Variants in GLRA3 observed in about 807,000 individuals in gnomAD.
GLRA3 encodes glycine receptor alpha 3.
A neutral mutation model predicts 60.4 loss-of-function variants in GLRA3; 44 were observed. The ratio of observed to expected loss-of-function variants is 0.73; its 90% CI spans 0.57 to 0.94. The LOEUF is 0.94. GLRA3 is among the 40% of genes least tolerant of loss of function. The probability of loss-of-function intolerance (pLI) is 0.00; values close to 1 mark genes in which losing one functional copy is unlikely to be tolerated. For synonymous variants in GLRA3, 223 were observed against 192.9 expected (o/e 1.16, Z -1.29); for missense variants, 508 against 564.6 (o/e 0.90, Z 1.02).
At chr4:174,817,809 G>A (rs1740570080) in intron 1 of GLRA3, among the ~76,000 whole-genome samples, 1 of 152,084 alleles carries the variant, frequency 6.6e-6, no homozygotes, top group Admixed American at 6.5e-5. Context: ...GTTTCGTCAT[G>A]TTGGCCAGTC....
chr4:174,679,994 A>G (rs1459236701), intron 6 of GLRA3, among the ~76,000 whole-genome samples: 1 of 152,214 alleles, frequency 6.6e-6, no homozygotes, highest in Non-Finnish European at 1.5e-5. Context: ...AGAAAGAAGA[A>G]AAGATTTGGA....
intron 5 of GLRA3, among the ~76,000 whole-genome samples, chr4:174,688,318 C>T (rs6833655): frequency 0.21 from 7,366 of 34,800 alleles, 1,303 homozygotes; most frequent in Middle Eastern, 0.34. Flanking sequence ...TACCTGACAT[C>T]ATATATATAT....
intron 7 of GLRA3, among the ~76,000 whole-genome samples, chr4:174,674,399 T>A (rs1294511932): frequency 1.3e-5 from 2 of 152,174 alleles, no homozygotes; most frequent in Admixed American, 1.3e-4. Context: ...GTAAAAGAGT[T>A]CAAGTTTCAA....
At chr4:174,649,417 A>C (rs963772420) in intron 9 of GLRA3, among the ~76,000 whole-genome samples, 1 of 152,198 alleles carries the variant, frequency 6.6e-6, no homozygotes, top group African/African-American at 2.4e-5. Context: ...GATGTGATAC[A>C]TAAATGAAGG....
chr4:174,751,904 G>A (rs945479933), intron 3 of GLRA3, among the ~76,000 whole-genome samples: 2 of 151,870 alleles, frequency 1.3e-5, no homozygotes, highest in East Asian at 3.9e-4. Context: ...TTCACGGGGA[G>A]GGCAATTAGG....
At chr4:174,702,060 T>C (rs550964281) in intron 5 of GLRA3, among the ~76,000 whole-genome samples, 2 of 152,296 alleles carry the variant, frequency 1.3e-5, no homozygotes, top group South Asian at 2.1e-4. Context: ...AGTTCTACTG[T>C]TGGTAAAATG....
intron 6 of GLRA3, among the ~76,000 whole-genome samples, chr4:174,678,786 T>G (rs1203642806): frequency 2.6e-5 from 4 of 152,208 alleles, no homozygotes; most frequent in Admixed American, 6.5e-5. Context: ...GATTTTAAAG[T>G]GCTATTAAAT....
At chr4:174,646,498 A>G (rs904652247) in intron 9 of GLRA3, among the ~76,000 whole-genome samples, 1 of 152,150 alleles carries the variant, frequency 6.6e-6, no homozygotes, top group African/African-American at 2.4e-5. Context: ...TTTTACTGTG[A>G]GGGGCTGCAC....
chr4:174,717,683 C>T (rs1188710439), intron 4 of GLRA3, among the ~76,000 whole-genome samples: 1 of 152,118 alleles, frequency 6.6e-6, no homozygotes, highest in Non-Finnish European at 1.5e-5. Context: ...GTTCAACATT[C>T]AAAAGGAATT....
chr4:174,778,367 C>T (rs1302094169), intron 2 of GLRA3, among the ~76,000 whole-genome samples: 3 of 150,724 alleles, frequency 2.0e-5, no homozygotes, highest in Non-Finnish European at 3.0e-5. Flanking sequence ...TTTGCTTTTA[C>T]CATGTCTCAT....
intron 5 of GLRA3, among the ~76,000 whole-genome samples, chr4:174,697,757 C>G (rs62332021): frequency 6.8e-6 from 1 of 146,128 alleles, no homozygotes; most frequent in Non-Finnish European, 1.5e-5. Context: ...AAATGACAAA[C>G]ACAACAATAA....
chr4:174,653,732 T>C (rs888649237), intron 9 of GLRA3, among the ~76,000 whole-genome samples: 2 of 152,022 alleles, frequency 1.3e-5, no homozygotes, highest in Admixed American at 6.6e-5. Flanking sequence ...CGGAGTGACA[T>C]AGGGTATTAC....
intron 6 of GLRA3, 37 bp from the exon 7 acceptor site, chr4:174,677,329 A>C: frequency 1.7e-6 from 2 of 1,175,486 alleles, no homozygotes; most frequent in Non-Finnish European, 2.5e-6. Context: ...AATTAGTACA[A>C]ATAGGTCTTT....
intron 7 of GLRA3, among the ~76,000 whole-genome samples, chr4:174,660,612 T>A (rs143131055): frequency 5.8e-4 from 89 of 152,324 alleles, no homozygotes; most frequent in African/African-American, 2.1e-3. Context: ...ATATAAGTAT[T>A]CTGTTACTCT....
At chr4:174,690,358 C>T (rs1734746774) in intron 5 of GLRA3, among the ~76,000 whole-genome samples, 2 of 152,018 alleles carry the variant, frequency 1.3e-5, no homozygotes, top group Admixed American at 1.3e-4. Flanking sequence ...ATAACATTTT[C>T]ACAATAATGT....
intron 2 of GLRA3, among the ~76,000 whole-genome samples, chr4:174,769,135 G>C (rs969297881): frequency 2.0e-5 from 3 of 151,644 alleles, no homozygotes; most frequent in Admixed American, 6.6e-5. Flanking sequence ...CAATTCTTCG[G>C]ATATTTACCT....
intron 3 of GLRA3, among the ~76,000 whole-genome samples, chr4:174,740,958 G>T (rs1736999303): frequency 6.6e-6 from 1 of 152,176 alleles, no homozygotes; most frequent in South Asian, 2.1e-4. Context: ...GTACGGGCGT[G>T]CCACAGGGCT....
chr4:174,712,772 C>T (rs1443242513), intron 5 of GLRA3: 2 of 151,904 alleles, frequency 1.3e-5, no homozygotes, highest in Non-Finnish European at 2.9e-5. Context: ...GATTTACAAT[C>T]TTTTATCTTG....
intron 1 of GLRA3, among the ~76,000 whole-genome samples, chr4:174,823,491 C>G: frequency 6.6e-6 from 1 of 151,994 alleles, no homozygotes; most frequent in Admixed American, 6.6e-5. Context: ...CACCACTGCA[C>G]TCCAGCCTGG....
Sources: gnomAD v4.1 joint callset for allele counts (sites outside exome capture counted in the v4.1 genomes callset) on GRCh38, gnomAD v4.1.1 for gene constraint, MANE v1.5 for transcripts, NCBI Gene and HGNC (gene_info 2026-07-23, HGNC 2026-07-21) for gene names.